Variants in AREL1 observed in about 807,000 individuals in gnomAD.
The protein encoded by AREL1 is apoptosis-resistant E3 ubiquitin protein ligase 1.
AREL1 carries 62 observed loss-of-function variants against 99.0 expected under a neutral mutation model. That is an observed-to-expected ratio of 0.63 (90% CI 0.51 to 0.77). AREL1 has a LOEUF of 0.77. Among genes scored for constraint, AREL1 ranks in the 30% least tolerant of loss-of-function variants. AREL1 has a pLI of 0.00. For missense variants in AREL1, 879 were observed against 1,027.6 expected (o/e 0.86, Z 1.98); for synonymous variants, 380 against 376.5 (o/e 1.01, Z -0.11).
intron 13 of AREL1, 134 bp from the exon 14 acceptor site, chr14:74,670,260 G>A (rs2089304561): frequency 1.2e-6 from 1 of 869,104 alleles, no homozygotes. Flanking sequence ...CCAAATGTTA[G>A]TTTTTTGGTA....
At chr14:74,708,166 C>T (rs1391846253) in intron 1 of AREL1, among the ~76,000 whole-genome samples, 2 of 152,134 alleles carry the variant, frequency 1.3e-5, no homozygotes, top group Non-Finnish European at 1.5e-5. Context: ...TTAGGAGACA[C>T]CGGTGAAAGG....
intron 11 of AREL1, 22 bp from the exon 12 acceptor site, chr14:74,671,505 G>A (rs2089345018): frequency 6.5e-7 from 1 of 1,534,382 alleles, no homozygotes; most frequent in Admixed American, 1.9e-5. Context: ...TGAAAGGAAG[G>A]GAATTGTCAG....
intron 17 of AREL1, among the ~76,000 whole-genome samples, chr14:74,666,399 T>C (rs1342200648): frequency 6.6e-6 from 1 of 152,250 alleles, no homozygotes; most frequent in African/African-American, 2.4e-5. Context: ...CTGCATAGAA[T>C]GGTATTTACC....
intron 1 of AREL1, among the ~76,000 whole-genome samples, chr14:74,697,669 C>T (rs182866762): frequency 1.3e-5 from 2 of 152,326 alleles, no homozygotes; most frequent in African/African-American, 4.8e-5. Context: ...GTCTCTTAAT[C>T]ATTCCTGTGG....
chr14:74,676,829 C>G (rs2089491711), intron 5 of AREL1, 77 bp from the exon 6 acceptor site: 1 of 1,199,218 alleles, frequency 8.3e-7, no homozygotes, highest in Non-Finnish European at 1.1e-6. Context: ...TGGAGTCTCG[C>G]TCTTTCGCCC....
chr14:74,702,385 A>G (rs1335506601), intron 1 of AREL1, among the ~76,000 whole-genome samples: 1 of 152,220 alleles, frequency 6.6e-6, no homozygotes, highest in African/African-American at 2.4e-5. Context: ...ATCACGTGTA[A>G]GCTGCCAAGG....
intron 1 of AREL1, among the ~76,000 whole-genome samples, chr14:74,710,752 C>T (rs904665684): frequency 6.6e-6 from 1 of 152,082 alleles, no homozygotes; most frequent in African/African-American, 2.4e-5. Flanking sequence ...ATTCAGTGCC[C>T]ACAGATATGT....
chr14:74,695,494 G>A (rs1474849098), intron 1 of AREL1, among the ~76,000 whole-genome samples: 3 of 151,830 alleles, frequency 2.0e-5, no homozygotes, highest in East Asian at 1.9e-4. Flanking sequence ...TATCCCTACC[G>A]TGAGCTACCA....
chr14:74,678,385 C>CT (rs2089544155), intron 5 of AREL1: 1 of 309,308 alleles, frequency 3.2e-6, no homozygotes, highest in Admixed American at 4.8e-5. Context: ...GTAGTCCCAG[C>CT]TACTCGGGAG....
intron 6 of AREL1, 119 bp downstream of exon 6, chr14:74,676,464 T>C (rs1285351724): frequency 7.1e-6 from 10 of 1,414,790 alleles, no homozygotes; most frequent in South Asian, 1.4e-5. Context: ...CAGATGAAGA[T>C]ACAGACAGCA....
At chr14:74,691,796 A>G (rs1190564151) in intron 2 of AREL1, among the ~76,000 whole-genome samples, 1 of 152,230 alleles carries the variant, frequency 6.6e-6, no homozygotes, top group Non-Finnish European at 1.5e-5. Context: ...GAGTATAAAG[A>G]TTTTTAATTA....
intron 15 of AREL1, among the ~76,000 whole-genome samples, chr14:74,668,712 G>C (rs1303526903): frequency 1.3e-5 from 2 of 152,070 alleles, no homozygotes; most frequent in Admixed American, 1.3e-4. Flanking sequence ...TATCAGTATA[G>C]TGGTACCAAT....
chr14:74,675,581 A>T (rs1463440634), intron 8 of AREL1, 118 bp downstream of exon 8: 12 of 1,389,828 alleles, frequency 8.6e-6, no homozygotes, highest in African/African-American at 2.9e-5. Flanking sequence ...CTTTCTATAC[A>T]ACTAGTTAAC....
At chr14:74,676,937 T>C (rs566421379) in intron 5 of AREL1, among the ~76,000 whole-genome samples, 185 bp from the exon 6 acceptor site, 3 of 152,030 alleles carry the variant, frequency 2.0e-5, no homozygotes, top group South Asian at 2.1e-4. Flanking sequence ...GCTGGGACTA[T>C]AGGTGCCCGC....
intron 1 of AREL1, among the ~76,000 whole-genome samples, chr14:74,696,702 C>T (rs1309297940): frequency 6.6e-6 from 1 of 152,164 alleles, no homozygotes; most frequent in Non-Finnish European, 1.5e-5. Context: ...TGGTGGCTCA[C>T]GCCTGTAATC....
In AREL1 at chr14:74,673,149, G is replaced by A. The variant is rs771858655; in HGVS notation, c.1228C>T (p.Pro410Ser). The A allele has an allele frequency of 6.2e-7, 1 of 1,614,188 alleles. No individual in the cohort carries two copies. The highest frequency in any genetic ancestry group is 1.1e-5 in the South Asian group (1 of 91,084). The change falls in exon 10 of 20, where the codon CCT becomes TCT. Residue 410 changes from proline (P) to serine (S), a missense_variant. Coordinates refer to ENST00000356357, the MANE Select transcript of AREL1 (RefSeq NM_001039479.2). ...CTCTCCTTACAGCTGAGCTCCACAG[G>A]AGGTTGAATGCCATCATCCACCACC... is the stretch of plus-strand genomic sequence containing the variant. ...TLVVDDGIQP[P>S]VELSCKERNI...
chr14:74,671,374 T>C, intron 12 of AREL1, 34 bp downstream of exon 12: 2 of 792,118 alleles, frequency 2.5e-6, no homozygotes, highest in Non-Finnish European at 3.6e-6. Context: ...GGGAGGAGAG[T>C]TCAAAAAGAT....
chr14:74,703,431 G>A (rs7156373), intron 1 of AREL1, among the ~76,000 whole-genome samples: 14 of 152,130 alleles, frequency 9.2e-5, no homozygotes, highest in Non-Finnish European at 1.9e-4. Flanking sequence ...GGAATTATGG[G>A]AGCTAAAATT....
At chr14:74,677,479 A>G (rs2089513539) in intron 5 of AREL1, among the ~76,000 whole-genome samples, 1 of 150,902 alleles carries the variant, frequency 6.6e-6, no homozygotes, top group Admixed American at 6.6e-5. Flanking sequence ...CTGTGTGACA[A>G]AGGGAGACCC....
Sources: gnomAD v4.1 joint callset for allele counts (sites outside exome capture counted in the v4.1 genomes callset) on GRCh38, gnomAD v4.1.1 for gene constraint, MANE v1.5 for transcripts, NCBI Gene and HGNC (gene_info 2026-07-23, HGNC 2026-07-21) for gene names.